DRC8: variants seen among roughly 807,000 people sequenced by gnomAD.
DRC8 encodes dynein regulatory complex protein 8.
At chr1:245,021,506 G>A in the DRC8 span, among the ~76,000 whole-genome samples, 2 of 152,058 alleles carry the variant, frequency 1.3e-5, no homozygotes, top group Non-Finnish European at 2.9e-5. Flanking sequence ...CCCAATCTCG[G>A]CTCATTGTAA....
the DRC8 span, among the ~76,000 whole-genome samples, chr1:244,974,655 G>GT: frequency 2.1e-4 from 32 of 149,254 alleles, no homozygotes; most frequent in Middle Eastern, 6.8e-3. Flanking sequence ...TAACGTCTTT[G>GT]TTTTTTTTTT....
chr1:245,083,565 A>C, the DRC8 span: 1 of 1,586,188 alleles, frequency 6.3e-7, no homozygotes, highest in Non-Finnish European at 8.6e-7. Context: ...AAAATTTATC[A>C]TGTAGAACTT....
At chr1:244,971,629 G>A in the DRC8 span, among the ~76,000 whole-genome samples, 1 of 152,154 alleles carries the variant, frequency 6.6e-6, no homozygotes, top group Non-Finnish European at 1.5e-5. Flanking sequence ...TTTTCTTTCT[G>A]GAGTGCTCAA....
the DRC8 span, among the ~76,000 whole-genome samples, chr1:244,993,661 C>T: frequency 6.6e-6 from 1 of 152,322 alleles, no homozygotes; most frequent in Non-Finnish European, 1.5e-5. Flanking sequence ...ATTTATTTCT[C>T]ACATTTCTGG....
the DRC8 span, among the ~76,000 whole-genome samples, chr1:245,039,299 A>C: frequency 6.9e-5 from 6 of 86,796 alleles, no homozygotes; most frequent in East Asian, 1.1e-3. Flanking sequence ...CCTTGTCTCT[A>C]CAAAAAAAAA....
chr1:245,084,575 C>G, the DRC8 span, among the ~76,000 whole-genome samples: 3 of 152,188 alleles, frequency 2.0e-5, no homozygotes, highest in African/African-American at 7.2e-5. Flanking sequence ...GGAATTCTCT[C>G]TGCTAGGCTG....
the DRC8 span, among the ~76,000 whole-genome samples, chr1:245,073,136 T>G: frequency 3.3e-3 from 501 of 152,298 alleles, 2 homozygotes; most frequent in African/African-American, 0.011. Context: ...TATTAATTTT[T>G]TTTGTTTGTT....
chr1:244,984,673 A>G, the DRC8 span, among the ~76,000 whole-genome samples: 1 of 151,994 alleles, frequency 6.6e-6, no homozygotes, highest in East Asian at 1.9e-4. Context: ...TGTCTCTACT[A>G]AAAGTATAAA....
the DRC8 span, among the ~76,000 whole-genome samples, chr1:245,120,509 G>A: frequency 3.3e-5 from 5 of 152,180 alleles, no homozygotes; most frequent in Admixed American, 2.0e-4. Flanking sequence ...TGACAAAAAT[G>A]CTGTTCAGAA....
At chr1:245,039,883 T>A in the DRC8 span, among the ~76,000 whole-genome samples, 1 of 152,194 alleles carries the variant, frequency 6.6e-6, no homozygotes, top group African/African-American at 2.4e-5. Flanking sequence ...AGGGAATACA[T>A]GATGTTGCTC....
At chr1:245,018,033 C>A in the DRC8 span, among the ~76,000 whole-genome samples, 3,738 of 152,078 alleles carry the variant, frequency 0.025, 170 homozygotes, top group African/African-American at 0.086. Context: ...TCAGGACCAG[C>A]CTGACCAACA....
At chr1:244,985,536 A>G in the DRC8 span, among the ~76,000 whole-genome samples, 1 of 152,262 alleles carries the variant, frequency 6.6e-6, no homozygotes, top group African/African-American at 2.4e-5. Context: ...GTCCTCTTAG[A>G]TATTGCTGTA....
chr1:245,116,374 T>G, the DRC8 span, among the ~76,000 whole-genome samples: 1 of 152,056 alleles, frequency 6.6e-6, no homozygotes. Flanking sequence ...GGCAATGGAG[T>G]GAGACCTTGC....
chr1:245,035,296 C>G, the DRC8 span, among the ~76,000 whole-genome samples: 2 of 151,916 alleles, frequency 1.3e-5, no homozygotes, highest in Non-Finnish European at 2.9e-5. Context: ...GTTGGACTCC[C>G]ATTTCCCGAT....
chr1:245,008,708 C>T, the DRC8 span, among the ~76,000 whole-genome samples: 9 of 148,384 alleles, frequency 6.1e-5, no homozygotes, highest in Non-Finnish European at 3.0e-5. Flanking sequence ...GAGCAAGATC[C>T]TTCAGGCTGC....
At chr1:245,082,222 T>C in the DRC8 span, 3 of 1,455,960 alleles carry the variant, frequency 2.1e-6, no homozygotes, top group East Asian at 2.3e-5. Context: ...AATCCATTCA[T>C]TTCAGGACGC....
the DRC8 span, among the ~76,000 whole-genome samples, chr1:245,009,160 T>C: frequency 3.1e-4 from 44 of 142,882 alleles, 1 homozygote; most frequent in African/African-American, 1.1e-3. Context: ...CTCAGCCTCC[T>C]GAGTAGCTGG....
chr1:245,107,421 C>T, the DRC8 span: 1 of 152,470 alleles, frequency 6.6e-6, no homozygotes, highest in Admixed American at 6.5e-5. Context: ...AGGCCGTGCA[C>T]CCCGGGTCCT....
the DRC8 span, among the ~76,000 whole-genome samples, chr1:245,018,673 T>G: frequency 1.1e-4 from 17 of 152,066 alleles, no homozygotes; most frequent in Non-Finnish European, 1.8e-4. Context: ...ACAGAGGTAT[T>G]GTTAGAGAAG....
Sources: allele counts gnomAD v4.1 joint callset (sites outside exome capture counted in the v4.1 genomes callset), GRCh38; gene constraint gnomAD v4.1.1; transcripts MANE v1.5; gene names NCBI Gene and HGNC (gene_info 2026-07-23, HGNC 2026-07-21).